Variants in MEIOSIN observed in about 807,000 individuals in gnomAD.
The protein encoded by MEIOSIN is meiosis initiator.
Under a neutral mutation model 23.4 loss-of-function variants are expected in MEIOSIN, and 18 were observed. That is an observed-to-expected ratio of 0.77 (90% confidence interval 0.53 to 1.14). MEIOSIN has a LOEUF of 1.14. MEIOSIN is among the 50% of genes most tolerant of loss of function. The probability of loss-of-function intolerance (pLI) is 0.00; values close to 1 mark genes in which losing one functional copy is unlikely to be tolerated. For synonymous variants in MEIOSIN, 187 were observed against 100.6 expected, an observed-to-expected ratio of 1.86 and a Z score of -5.14; for missense variants, 428 against 242.9, an observed-to-expected ratio of 1.76 and a Z score of -5.07.
intron 14 of MEIOSIN, among the ~76,000 whole-genome samples, 162 bp downstream of exon 14, chr19:45,763,589 G>A (rs1306942865): frequency 1.3e-5 from 2 of 152,174 alleles, no homozygotes; most frequent in African/African-American, 4.8e-5. Context: ...TGACACAGGT[G>A]TAGGGGTACC....
intron 3 of MEIOSIN, among the ~76,000 whole-genome samples, chr19:45,740,737 G>A (rs1214686345): frequency 3.4e-5 from 5 of 147,840 alleles, no homozygotes; most frequent in African/African-American, 1.0e-4. Flanking sequence ...GCAACAAGGC[G>A]AGACTCCATC....
chr19:45,763,137 C>G (rs1005112292), intron 13 of MEIOSIN, among the ~76,000 whole-genome samples: 1 of 152,182 alleles, frequency 6.6e-6, no homozygotes, highest in Non-Finnish European at 1.5e-5. Context: ...GGGCCAGGAG[C>G]GGTGCCCACA....
intron 4 of MEIOSIN, among the ~76,000 whole-genome samples, chr19:45,749,244 C>T (rs901538638): frequency 1.1e-4 from 17 of 151,764 alleles, no homozygotes; most frequent in Middle Eastern, 3.4e-3. Context: ...TGGTGGCATG[C>T]GCCTGTAGTC....
intron 3 of MEIOSIN, among the ~76,000 whole-genome samples, chr19:45,740,012 T>C (rs1555782551): frequency 6.6e-6 from 1 of 152,112 alleles, no homozygotes; most frequent in Non-Finnish European, 1.5e-5. Flanking sequence ...CACGGCCAGC[T>C]AATTTTTTGT....
At chr19:45,749,204 C>G (rs903588978) in intron 4 of MEIOSIN, among the ~76,000 whole-genome samples, 1 of 151,386 alleles carries the variant, frequency 6.6e-6, no homozygotes, top group Non-Finnish European at 1.5e-5. Context: ...AACCTCATCT[C>G]GATAAAAAAT....
In MEIOSIN at chr19:45,735,020, A is replaced by G. The variant is rs570752935; in HGVS notation, c.1-357A>G. On this transcript the variant is annotated intron_variant, in intron 1 of 14. Coordinates refer to ENST00000457052, the MANE Select transcript of MEIOSIN (RefSeq NM_001310124.2). Reference sequence around the variant, plus strand: ...GTGATTCTCCTGCCTCAGCCTCCCAAGTAGCTGGGATTACAGTCGTGCACC... The same window carrying G: ...GTGATTCTCCTGCCTCAGCCTCCCAGGTAGCTGGGATTACAGTCGTGCACC... 9.9e-5 allele frequency among the ~76,000 whole-genome samples: 15 copies of G among 151,888 alleles called. No individual in the cohort carries two copies. In the East Asian group the frequency reaches 1.4e-3, roughly 14 times the overall value.
At chr19:45,763,196 G>A (rs867101189) in intron 13 of MEIOSIN, 142 bp from the exon 14 acceptor site, 18 of 394,802 alleles carry the variant, frequency 4.6e-5, no homozygotes, top group African/African-American at 2.7e-4. Flanking sequence ...GTGAACAGCC[G>A]CTGAGTCCAG....
At chr19:45,756,704 A>G (rs1202175603) in intron 8 of MEIOSIN, among the ~76,000 whole-genome samples, 4 of 152,106 alleles carry the variant, frequency 2.6e-5, no homozygotes, top group African/African-American at 9.7e-5. Flanking sequence ...GATTATAGGT[A>G]TGGGCCACTG....
At chr19:45,763,459 G>T in intron 14 of MEIOSIN, 32 bp downstream of exon 14, 1 of 398,640 alleles carries the variant, frequency 2.5e-6, no homozygotes, top group Non-Finnish European at 4.4e-6. Context: ...GTGTGGGTGG[G>T]GGGTGGAAGA....
At position 45,759,409 on chromosome 19, in the gene MEIOSIN, C is replaced by T. The variant is rs1968897356; in HGVS notation, c.1169-5C>T. On this transcript the variant is annotated splice_region_variant and splice_polypyrimidine_tract_variant and intron_variant, in intron 10 of 14. Coordinates refer to ENST00000457052, the MANE Select transcript of MEIOSIN (RefSeq NM_001310124.2). ...TCTGGCTGCCCCTCTGGTCTCCCTC[C>T]CTAGCGGCTTTCTTTGAAGAAGTGT... 1.4e-6 allele frequency: 1 copy of T among 703,198 alleles called. No homozygotes were observed. Among genetic ancestry groups the T allele is most frequent in the African/African-American group, 1.7e-5 (1 of 57,240 alleles). 43.6% of individuals were successfully genotyped at this position (703,198 alleles called of 1,614,324 possible).
At chr19:45,738,570 G>T (rs1020990167) in intron 2 of MEIOSIN, among the ~76,000 whole-genome samples, 5 of 152,212 alleles carry the variant, frequency 3.3e-5, no homozygotes, top group African/African-American at 1.2e-4. Flanking sequence ...AGTGAGCCAA[G>T]ATCGCGCCGC....
At chr19:45,751,272 A>AAAT (rs145142679) in intron 5 of MEIOSIN, among the ~76,000 whole-genome samples, 26,917 of 136,126 alleles carry the variant, frequency 0.2, 2,765 homozygotes, top group East Asian at 0.32. Context: ...ACTGTGTCTC[A>AAAT]AATAATAATA....
intron 1 of MEIOSIN, among the ~76,000 whole-genome samples, 189 bp from the exon 2 acceptor site, chr19:45,735,188 C>T (rs1432568239): frequency 6.6e-6 from 1 of 152,162 alleles, no homozygotes; most frequent in African/African-American, 2.4e-5. Context: ...GCTACCACTT[C>T]TGGCCAAGGT....
At chr19:45,757,038 C>A in intron 8 of MEIOSIN, 139 bp from the exon 9 acceptor site, 1 of 586,862 alleles carries the variant, frequency 1.7e-6, no homozygotes. Context: ...TGTAAGCTCC[C>A]TGAGGATGGG....
chr19:45,762,210 G>A (rs1196518809), intron 13 of MEIOSIN, 27 bp downstream of exon 13: 4 of 404,318 alleles, frequency 9.9e-6, no homozygotes, highest in Non-Finnish European at 1.3e-5. Flanking sequence ...CTTTGGCCCT[G>A]GGGAAGGCCC....
At chr19:45,757,096 A>G in intron 8 of MEIOSIN, 81 bp from the exon 9 acceptor site, 1 of 669,308 alleles carries the variant, frequency 1.5e-6, no homozygotes, top group South Asian at 1.6e-5. Context: ...CCCAGGGGCC[A>G]GTGCAGAGTG....
At chr19:45,742,304 C>G (rs1373049946) in intron 3 of MEIOSIN, among the ~76,000 whole-genome samples, 1 of 152,072 alleles carries the variant, frequency 6.6e-6, no homozygotes, top group South Asian at 2.1e-4. Context: ...CTGCACCCAG[C>G]CTTGTCTCTA....
chr19:45,763,709 C>T (rs1380386344), intron 14 of MEIOSIN, among the ~76,000 whole-genome samples: 1 of 152,166 alleles, frequency 6.6e-6, no homozygotes, highest in Non-Finnish European at 1.5e-5. Context: ...ATTTTCCTGT[C>T]GCTTGGCCAC....
intron 14 of MEIOSIN, among the ~76,000 whole-genome samples, 165 bp downstream of exon 14, chr19:45,763,592 G>C (rs2146203062): frequency 6.6e-6 from 1 of 152,270 alleles, no homozygotes; most frequent in South Asian, 2.1e-4. Flanking sequence ...CACAGGTGTA[G>C]GGGTACCCCA....
Sources: gnomAD v4.1 joint callset for allele counts (sites outside exome capture counted in the v4.1 genomes callset) on GRCh38, gnomAD v4.1.1 for gene constraint, MANE v1.5 for transcripts, NCBI Gene and HGNC (gene_info 2026-07-23, HGNC 2026-07-21) for gene names.